SIMC1: variants seen among roughly 807,000 people sequenced by gnomAD.
The protein encoded by SIMC1 is SUMO-interacting motif-containing protein 1.
In SIMC1, 55 loss-of-function variants were observed where a neutral mutation model predicts 82.3. That is an observed-to-expected ratio of 0.67 (90% CI 0.54 to 0.84). SIMC1 has a LOEUF of 0.84. Ranked by LOEUF, SIMC1 falls within the 40% of genes least tolerant of loss-of-function variation. The pLI is 0.00. For synonymous variants in SIMC1, 353 were observed against 426.3 expected, an observed-to-expected ratio of 0.83 and a Z score of 2.12; for missense variants, 915 against 1,107.2, an observed-to-expected ratio of 0.83 and a Z score of 2.46.
chr5:176,247,356 C>T (rs1458604892), intron 1 of SIMC1, among the ~76,000 whole-genome samples: 2 of 152,126 alleles, frequency 1.3e-5, no homozygotes, highest in African/African-American at 4.8e-5. Flanking sequence ...CTCTAATGAC[C>T]AGTGATGATG....
At chr5:176,311,388 C>G (rs140896572) in intron 4 of SIMC1, among the ~76,000 whole-genome samples, 139 of 152,170 alleles carry the variant, frequency 9.1e-4, no homozygotes, top group African/African-American at 2.8e-3. Context: ...CAGGCACATG[C>G]TATCACGCCT....
chr5:176,323,953 A>G (rs1311667001), intron 6 of SIMC1, among the ~76,000 whole-genome samples: 2 of 149,538 alleles, frequency 1.3e-5, no homozygotes, highest in Non-Finnish European at 3.0e-5. Context: ...GCGCCACAGC[A>G]CTCCAGCCTG....
In SIMC1 at chr5:176,324,743, T is replaced by C; in HGVS notation, c.2157T>C (p.Pro719=). 6.3e-7 allele frequency: 1 copy of C among 1,596,114 alleles called. No individual in the cohort carries two copies. The highest frequency in any genetic ancestry group is 8.5e-7 in the Non-Finnish European group (1 of 1,170,940). The change falls in exon 7 of 10, where the codon CCT becomes CCC. Residue 719 remains proline (P), a synonymous_variant. Transcript: ENST00000429602. ...TGTTTGGGTTTGTGCTGGACATTCC[T>C]GAGAGGAGCCAGAGGTGAGTCTTGA... The part of the protein sequence containing the change: ...EMMFGFVLDI[P]ERSQREMFFT...
chr5:176,296,408 A>C (rs1763818355), intron 4 of SIMC1, 88 bp downstream of exon 4: 1 of 1,601,850 alleles, frequency 6.2e-7, no homozygotes, highest in Admixed American at 1.7e-5. Context: ...TCACACCTGT[A>C]ATCCCAGCAT....
chr5:176,309,614 T>C (rs962057191), intron 4 of SIMC1, among the ~76,000 whole-genome samples: 9 of 152,172 alleles, frequency 5.9e-5, no homozygotes, highest in South Asian at 2.1e-4. Flanking sequence ...ATATATCTGA[T>C]CAATTTGGAA....
chr5:176,321,885 C>CTTTTTTTTTTTTTTTTTT (rs11418187), intron 5 of SIMC1, among the ~76,000 whole-genome samples: 2 of 90,720 alleles, frequency 2.2e-5, no homozygotes, highest in African/African-American at 4.4e-5. Context: ...TTTTAGTTAG[C>CTTTTTTTTTTTTTTTTTT]TTTTTTTTTT....
chr5:176,321,192 A>G (rs184726877), intron 5 of SIMC1, among the ~76,000 whole-genome samples: 18 of 152,282 alleles, frequency 1.2e-4, no homozygotes, highest in Admixed American at 8.5e-4. Context: ...CTCTATATTA[A>G]AAGGTATCAT....
intron 1 of SIMC1, among the ~76,000 whole-genome samples, chr5:176,249,655 A>G (rs955425726): frequency 3.9e-5 from 6 of 151,948 alleles, no homozygotes; most frequent in African/African-American, 1.5e-4. Flanking sequence ...CCTGGCTAAC[A>G]TGGTGAAACC....
chr5:176,320,404 T>C (rs2113364446), intron 5 of SIMC1, among the ~76,000 whole-genome samples: 1 of 152,002 alleles, frequency 6.6e-6, no homozygotes, highest in East Asian at 1.9e-4. Context: ...CTCACTCTGG[T>C]TGCCCAAGGC....
intron 4 of SIMC1, among the ~76,000 whole-genome samples, chr5:176,306,055 C>G: frequency 1.2e-5 from 1 of 83,360 alleles, no homozygotes; most frequent in African/African-American, 4.8e-5. Flanking sequence ...CCCCCCCGCC[C>G]GGCCAGCCGC....
At chr5:176,282,158 G>A (rs1180554350) in intron 1 of SIMC1, among the ~76,000 whole-genome samples, 5 of 152,198 alleles carry the variant, frequency 3.3e-5, no homozygotes, top group African/African-American at 4.8e-5. Context: ...CTGCAGCCTC[G>A]CTGCCGCCTT....
chr5:176,307,386 T>A, intron 4 of SIMC1, among the ~76,000 whole-genome samples: 1 of 152,318 alleles, frequency 6.6e-6, no homozygotes, highest in Middle Eastern at 3.4e-3. Context: ...GTAAATTTAA[T>A]GATAATGTGG....
intron 7 of SIMC1, among the ~76,000 whole-genome samples, chr5:176,326,970 C>G (rs963378213): frequency 3.9e-5 from 6 of 152,188 alleles, no homozygotes; most frequent in African/African-American, 1.2e-4. Flanking sequence ...AAACCCAGGG[C>G]TGCTTAATCC....
Position 176,308,424 on chromosome 5 carries a change from T to C in SIMC1, c.1735-5267T>C, listed in dbSNP as rs981857089. The C allele has an allele frequency of 2.5e-6, 4 of 1,607,516 alleles. No homozygotes were observed. The African/African-American group carries it at 5.3e-5, about 21-fold the overall frequency. ...CCACCCCATGAGAGTTGTGGGCTGG[T>C]ATCATTCCCATCCTCATATAACTGT... is the stretch of plus-strand genomic sequence containing the variant. On this transcript the variant is annotated intron_variant, in intron 4 of 9. Coordinates refer to ENST00000429602, the MANE Select transcript of SIMC1 (RefSeq NM_001308195.2).
intron 1 of SIMC1, among the ~76,000 whole-genome samples, chr5:176,284,590 C>T (rs1763180110): frequency 6.6e-6 from 1 of 152,166 alleles, no homozygotes; most frequent in Non-Finnish European, 1.5e-5. Flanking sequence ...CTAAAATTGA[C>T]ACCCTAACAT....
At chr5:176,243,798 C>T (rs1421228935) in intron 1 of SIMC1, among the ~76,000 whole-genome samples, 1 of 151,836 alleles carries the variant, frequency 6.6e-6, no homozygotes, top group Non-Finnish European at 1.5e-5. Context: ...GGATTACAGG[C>T]GTGAGCCACT....
rs745907886 is a variant in SIMC1 at position 176,290,832 on chromosome 5, A to G, written c.1308A>G (p.Gln436=). The change falls in exon 2 of 10, where the codon CAA becomes CAG. Residue 436 remains glutamine, a synonymous_variant. Transcript: ENST00000429602. The part of the protein sequence containing the change: ...EPAKPGSAHV[Q]SRTPQGGLYN... ...CCAAACCTGGGTCTGCCCACGTACA[A>G]TCACGAACACCACAAGGTGGGTTGT... 3 of 1,613,692 alleles carry G rather than the reference A, an allele frequency of 1.9e-6. No homozygotes were observed. Among genetic ancestry groups the G allele is most frequent in the South Asian group, 2.2e-5 (2 of 91,072 alleles).
chr5:176,329,481 G>A (rs1467252913), intron 7 of SIMC1, among the ~76,000 whole-genome samples: 1 of 139,620 alleles, frequency 7.2e-6, no homozygotes, highest in Non-Finnish European at 1.5e-5. Flanking sequence ...GGGCGAAAGA[G>A]CGAGACTCCC....
intron 7 of SIMC1, among the ~76,000 whole-genome samples, chr5:176,335,209 A>G (rs1329058261): frequency 6.6e-6 from 1 of 151,658 alleles, no homozygotes; most frequent in East Asian, 1.9e-4. Context: ...ATTATGACAG[A>G]AAGGAAAGTC....
Sources: allele counts gnomAD v4.1 joint callset (sites outside exome capture counted in the v4.1 genomes callset), GRCh38; gene constraint gnomAD v4.1.1; transcripts MANE v1.5; gene names NCBI Gene and HGNC (gene_info 2026-07-23, HGNC 2026-07-21).